Variants in SRSF11 observed in about 807,000 individuals in gnomAD.
SRSF11 encodes the protein serine/arginine-rich splicing factor 11.
SRSF11 carries 9 observed loss-of-function variants against 56.0 expected under a neutral mutation model. That is an observed-to-expected ratio of 0.16 (90% CI 0.10 to 0.28). SRSF11 has a LOEUF of 0.28. Among genes scored for constraint, SRSF11 ranks in the 10% least tolerant of loss-of-function variants. The probability of loss-of-function intolerance (pLI) is 1.00; values close to 1 mark genes in which losing one functional copy is unlikely to be tolerated. For missense variants in SRSF11, 421 were observed against 600.7 expected (o/e 0.70, Z 3.13); for synonymous variants, 222 against 215.3 (o/e 1.03, Z -0.27).
Position 70,235,534 on chromosome 1 carries a change from A to G in SRSF11, c.574A>G (p.Ser192Gly), listed in dbSNP as rs1170176384. 1.2e-6 allele frequency: 2 copies of G among 1,612,022 alleles called. No individual in the cohort carries two copies. The highest frequency in any genetic ancestry group is 2.7e-5 in the African/African-American group (2 of 74,780). ...TGCAGATCAGTTGCTGAAGCTTATGAGTACTGTTGATCCCAAGTAAGCGTT... is the reference window on the plus strand; with the variant it reads ...TGCAGATCAGTTGCTGAAGCTTATGGGTACTGTTGATCCCAAGTAAGCGTT... ...LAADQLLKLM[S>G]TVDPKLNHVA... Residue 192 changes from serine to glycine, a missense_variant, in exon 5 of 12, where the codon AGT becomes GGT. Physicochemically the swap from Ser to Gly is moderately conservative, Grantham distance 56. Around this residue, in one of 2 missense-constraint regions of SRSF11, gnomAD observed 168 missense variants for 294.9 expected, o/e 0.57. Transcript: ENST00000370949.
At chr1:70,236,629 C>G (rs1241423450) in intron 5 of SRSF11, among the ~76,000 whole-genome samples, 3 of 151,572 alleles carry the variant, frequency 2.0e-5, no homozygotes, top group Non-Finnish European at 4.4e-5. Flanking sequence ...CATGCCCGGC[C>G]TACAATTTTT....
intron 2 of SRSF11, chr1:70,228,964 T>C: frequency 3.0e-6 from 3 of 984,756 alleles, no homozygotes; most frequent in Non-Finnish European, 3.6e-6. Context: ...AGGTTGATTT[T>C]ATTTTCTTAA....
chr1:70,243,150 A>G (rs887020065), intron 7 of SRSF11, among the ~76,000 whole-genome samples: 1 of 151,962 alleles, frequency 6.6e-6, no homozygotes, highest in African/African-American at 2.4e-5. Flanking sequence ...GTAAGAGGAA[A>G]GAAGGACATC....
At chr1:70,244,581 ATTG>A (rs1676308868) in intron 7 of SRSF11, 100 bp from the exon 8 acceptor site, 2 of 1,249,138 alleles carry the variant, frequency 1.6e-6, no homozygotes, top group African/African-American at 3.0e-5. Context: ...CCCCCATTTA[ATTG>A]TTTAGTCCAT....
intron 1 of SRSF11, among the ~76,000 whole-genome samples, chr1:70,228,019 T>C (rs987017505): frequency 3.9e-5 from 6 of 152,212 alleles, no homozygotes; most frequent in African/African-American, 1.4e-4. Context: ...TTGTCCCTGA[T>C]ATAAAAATTG....
intron 1 of SRSF11, among the ~76,000 whole-genome samples, chr1:70,206,812 CCTTTACA>C (rs1325349723): frequency 6.6e-6 from 1 of 151,576 alleles, no homozygotes; most frequent in African/African-American, 2.4e-5. Flanking sequence ...TCTGTGGAGT[CCTTTACA>C]CTAATATCGA....
intron 2 of SRSF11, chr1:70,231,521 T>C (rs191388633): frequency 5.6e-6 from 6 of 1,062,818 alleles, no homozygotes; most frequent in Non-Finnish European, 6.8e-6. Context: ...TTTTTTGGTA[T>C]GGTTAGCATG....
chr1:70,222,437 T>C lies in SRSF11; in HGVS notation c.203+598T>C, dbSNP rs1298701049. The stretch of plus-strand genomic sequence containing the variant: ...TCCTTTGTTTGAATAATATACAGAT[T>C]TGTGATATTTCACAGTTGTTCTTGA... On this transcript the variant is annotated intron_variant, in intron 1 of 11. Transcript: ENST00000370949. Among the ~76,000 whole-genome samples, 8 of 152,354 alleles carry C rather than the reference T, an allele frequency of 5.3e-5. No homozygotes were observed. In the East Asian group the frequency reaches 1.5e-3, roughly 29 times the overall value.
intron 7 of SRSF11, 92 bp downstream of exon 7, chr1:70,239,612 G>A (rs1674873308): frequency 2.1e-6 from 2 of 967,404 alleles, no homozygotes; most frequent in Non-Finnish European, 3.1e-6. Flanking sequence ...GTTATCCTCT[G>A]GTTAAAGTGT....
intron 1 of SRSF11, among the ~76,000 whole-genome samples, chr1:70,223,349 AAAGGT>A (rs1307442042): frequency 1.3e-5 from 2 of 152,248 alleles, no homozygotes; most frequent in African/African-American, 2.4e-5. Flanking sequence ...CATTTAGAAA[AAAGGT>A]AAGAGAGATG....
intron 1 of SRSF11, among the ~76,000 whole-genome samples, chr1:70,210,786 T>C (rs1177206043): frequency 6.6e-6 from 1 of 152,162 alleles, no homozygotes; most frequent in Admixed American, 6.5e-5. Flanking sequence ...TCCCCAGATT[T>C]AGGAAAAATT....
chr1:70,237,608 A>G lies in SRSF11; in HGVS notation c.718+56A>G, dbSNP rs865930524. The G allele has an allele frequency of 1.7e-5, 27 of 1,599,058 alleles. No homozygotes were observed. In the African/African-American group the frequency reaches 3.4e-4, roughly 20 times the overall value. On this transcript the variant is annotated intron_variant, in intron 6 of 11. Transcript: ENST00000370949. Reference sequence around the variant, plus strand: ...GATTCTTAGCAAAAATGATTTTGACATAAATGTGGAATTGTGTTGAGTGAC... The same window carrying G: ...GATTCTTAGCAAAAATGATTTTGACGTAAATGTGGAATTGTGTTGAGTGAC...
At chr1:70,231,736 T>C in intron 2 of SRSF11, 2 of 1,232,056 alleles carry the variant, frequency 1.6e-6, no homozygotes, top group South Asian at 1.4e-5. Flanking sequence ...CTTTCTTCTC[T>C]TAATTTTTAC....
intron 1 of SRSF11, among the ~76,000 whole-genome samples, chr1:70,212,233 C>T (rs1324861433): frequency 6.6e-6 from 1 of 152,018 alleles, no homozygotes; most frequent in African/African-American, 2.4e-5. Flanking sequence ...TGTCATGGTA[C>T]TTTTAATTAA....
chr1:70,233,534 C>G (rs1673301374), intron 3 of SRSF11, among the ~76,000 whole-genome samples: 1 of 152,180 alleles, frequency 6.6e-6, no homozygotes, highest in South Asian at 2.1e-4. Context: ...GCCACCGCGC[C>G]CAGTCCAGAT....
intron 2 of SRSF11, chr1:70,230,405 C>T (rs907318659): frequency 3.3e-5 from 37 of 1,136,130 alleles, no homozygotes; most frequent in African/African-American, 2.3e-4. Context: ...ACATAGTCTA[C>T]GGTAAGGAAT....
intron 8 of SRSF11, 88 bp downstream of exon 8, chr1:70,244,903 CG>C (rs1676386337): frequency 7.5e-7 from 1 of 1,330,666 alleles, no homozygotes. Context: ...GGTTGGGGTG[CG>C]GGGCAGAGAA....
chr1:70,221,445 C>G lies in SRSF11; in HGVS notation c.-192C>G, dbSNP rs528876312. The G allele has an allele frequency of 2.2e-5, 18 of 803,248 alleles. No homozygotes were observed. The South Asian group carries it at 2.6e-4, about 12-fold the overall frequency. The allele number at this position is 803,248 out of a possible 1,614,324, so 49.8% of individuals were successfully genotyped here. On this transcript the variant is annotated 5_prime_UTR_variant, in exon 1 of 12. Coordinates refer to ENST00000370949, the MANE Select transcript of SRSF11 (RefSeq NM_001350605.2). ...TCTCGTGGTCTCGAGCTCGCGCGCT[C>G]TCATCCCCTCCCCCGCGGCGTGCGG...
chr1:70,236,810 T>A (rs1033664976), intron 5 of SRSF11, among the ~76,000 whole-genome samples: 53 of 142,110 alleles, frequency 3.7e-4, no homozygotes, highest in Non-Finnish European at 6.6e-4. Flanking sequence ...TTTTTTTTTT[T>A]TTTTTTTTTT....
Sources: allele counts gnomAD v4.1 joint callset (sites outside exome capture counted in the v4.1 genomes callset), GRCh38; gene constraint gnomAD v4.1.1; regional missense constraint gnomAD v4.1.1; transcripts MANE v1.5; gene names NCBI Gene and HGNC (gene_info 2026-07-23, HGNC 2026-07-21).